Variants in PTPRD observed in about 807,000 individuals in gnomAD.
PTPRD encodes protein tyrosine phosphatase receptor type D.
A neutral mutation model predicts 214.5 loss-of-function variants in PTPRD; 34 were observed. That is an observed-to-expected ratio of 0.16 (90% confidence interval 0.12 to 0.21). The LOEUF (loss-of-function observed/expected upper bound fraction) is 0.21. Ranked by LOEUF, PTPRD falls within the 10% of genes least tolerant of loss-of-function variation. The probability of loss-of-function intolerance (pLI) is 1.00; values close to 1 mark genes in which losing one functional copy is unlikely to be tolerated. For synonymous variants in PTPRD, 1,128 were observed against 845.7 expected, an observed-to-expected ratio of 1.33 and a Z score of -5.79; for missense variants, 2,545 against 2,398.7, an observed-to-expected ratio of 1.06 and a Z score of -1.27.
chr9:8,533,377 A>T (rs1282656062), intron 14 of PTPRD, among the ~76,000 whole-genome samples: 3 of 152,074 alleles, frequency 2.0e-5, no homozygotes, highest in Non-Finnish European at 2.9e-5. Context: ...ATTGGGAAAA[A>T]TCCCAATTTT....
chr9:8,951,138 A>AGTGTGTGTGTGTGTGT (rs56212369), intron 11 of PTPRD, among the ~76,000 whole-genome samples: 6,904 of 147,134 alleles, frequency 0.047, 280 homozygotes, highest in East Asian at 0.16. Context: ...TAGGAAAAAG[A>AGTGTGTGTGTGTGTGT]GTGTGTGTGT....
rs74395525 is a variant in PTPRD, at chr9:8,561,992, C to T, written c.353-33213G>A. Among the ~76,000 whole-genome samples the T allele has an allele frequency of 6.3e-3, 955 of 152,208 alleles. 6 individuals are homozygous for T. The highest frequency in any genetic ancestry group is 0.019 in the African/African-American group (787 of 41,528). On this transcript the variant is annotated intron_variant, in intron 14 of 45. Coordinates refer to ENST00000381196, the MANE Select transcript of PTPRD (RefSeq NM_002839.4). ...CTACTAGAGTTTAAAAAGATGTTTC[C>T]TAAAGACCTACCATTTAACCACAAA...
At chr9:10,049,091 A>G (rs550764634) in intron 3 of PTPRD, among the ~76,000 whole-genome samples, 1 of 152,258 alleles carries the variant, frequency 6.6e-6, no homozygotes, top group East Asian at 1.9e-4. Flanking sequence ...AAAAGAAATG[A>G]GAAAAGCAGA....
chr9:8,526,332 G>C (rs2074133527), intron 17 of PTPRD, among the ~76,000 whole-genome samples: 1 of 151,330 alleles, frequency 6.6e-6, no homozygotes, highest in Non-Finnish European at 1.5e-5. Flanking sequence ...AGGGACAGAT[G>C]GTACGCTGTG....
intron 7 of PTPRD, among the ~76,000 whole-genome samples, chr9:9,670,167 C>A (rs1438090553): frequency 6.6e-6 from 1 of 151,904 alleles, no homozygotes; most frequent in African/African-American, 2.4e-5. Flanking sequence ...TATAAGACAC[C>A]ATAAAAATTG....
intron 7 of PTPRD, among the ~76,000 whole-genome samples, chr9:9,670,726 C>A (rs1292476996): frequency 6.6e-6 from 1 of 152,170 alleles, no homozygotes; most frequent in Non-Finnish European, 1.5e-5. Context: ...AGGTTGCAGG[C>A]CTCAAGCCTT....
intron 8 of PTPRD, among the ~76,000 whole-genome samples, chr9:9,439,438 G>A (rs1338323845): frequency 2.0e-5 from 3 of 152,156 alleles, no homozygotes; most frequent in Admixed American, 6.5e-5. Flanking sequence ...GTGGAATAAT[G>A]TGATAAACTA....
intron 8 of PTPRD, among the ~76,000 whole-genome samples, chr9:9,464,240 A>C (rs1049558584): frequency 6.6e-6 from 1 of 152,116 alleles, no homozygotes; most frequent in African/African-American, 2.4e-5. Context: ...CCATCACCCA[A>C]ATAGTGAACA....
At chr9:10,341,961 C>A (rs1010348057) in intron 2 of PTPRD, among the ~76,000 whole-genome samples, 8 of 152,020 alleles carry the variant, frequency 5.3e-5, no homozygotes, top group Admixed American at 1.3e-4. Flanking sequence ...GCTTTCTAAC[C>A]TTTTGAAGCT....
chr9:10,463,850 T>A (rs2098975537), intron 2 of PTPRD, among the ~76,000 whole-genome samples: 1 of 152,116 alleles, frequency 6.6e-6, no homozygotes, highest in Admixed American at 6.6e-5. Context: ...AGAAAAATGA[T>A]TTCAGATCTG....
At chr9:10,487,864 G>A (rs1312244839) in intron 2 of PTPRD, among the ~76,000 whole-genome samples, 2 of 151,308 alleles carry the variant, frequency 1.3e-5, no homozygotes, top group Admixed American at 6.6e-5. Flanking sequence ...GAGACTTGTA[G>A]AGGTACTACC....
At chr9:9,955,910 A>G (rs949703343) in intron 4 of PTPRD, among the ~76,000 whole-genome samples, 12 of 152,202 alleles carry the variant, frequency 7.9e-5, no homozygotes, top group Non-Finnish European at 1.8e-4. Context: ...CTGAAACAGT[A>G]TCAGAAGGAC....
intron 2 of PTPRD, among the ~76,000 whole-genome samples, chr9:10,508,516 A>G (rs2046850590): frequency 2.0e-5 from 3 of 152,194 alleles, no homozygotes; most frequent in Admixed American, 1.3e-4. Flanking sequence ...TTGTGGCACT[A>G]TTCACAATAG....
chr9:9,914,913 A>G (rs2080265944), intron 5 of PTPRD, among the ~76,000 whole-genome samples: 1 of 152,180 alleles, frequency 6.6e-6, no homozygotes, highest in Middle Eastern at 3.2e-3. Context: ...GGCTGGCAGA[A>G]AAACTGCATG....
At chr9:10,475,914 T>A (rs1454999372) in intron 2 of PTPRD, among the ~76,000 whole-genome samples, 2 of 151,948 alleles carry the variant, frequency 1.3e-5, no homozygotes, top group Non-Finnish European at 2.9e-5. Context: ...AGAAAAGGCC[T>A]TCAATACAAA....
chr9:9,402,744 A>T (rs1030937296), intron 8 of PTPRD, among the ~76,000 whole-genome samples: 1 of 151,922 alleles, frequency 6.6e-6, no homozygotes, highest in Admixed American at 6.6e-5. Flanking sequence ...TCAAAAAAAA[A>T]GACAATTTTC....
chr9:8,468,059 T>A lies in PTPRD; in HGVS notation c.3505-2384A>T, dbSNP rs190125799. ...TAATAGTCGCAATTCATCCATATCA[T>A]TGTCATTCCCACAAGCACTTTCTGC... On this transcript the variant is annotated intron_variant, in intron 31 of 45. Coordinates refer to ENST00000381196, the MANE Select transcript of PTPRD (RefSeq NM_002839.4). 3.3e-4 allele frequency among the ~76,000 whole-genome samples: 50 copies of A among 152,130 alleles called. No individual in the cohort carries two copies. In the South Asian group the frequency reaches 9.7e-3, roughly 30 times the overall value.
intron 3 of PTPRD, among the ~76,000 whole-genome samples, chr9:10,180,858 G>A (rs896291824): frequency 2.0e-5 from 3 of 151,802 alleles, no homozygotes; most frequent in African/African-American, 7.3e-5. Context: ...ATTTTATGAA[G>A]TTAAAAATAT....
chr9:9,463,213 G>T (rs1033496344), intron 8 of PTPRD, among the ~76,000 whole-genome samples: 2 of 152,114 alleles, frequency 1.3e-5, no homozygotes, highest in Non-Finnish European at 2.9e-5. Context: ...CATTCCTTTG[G>T]AAATTTGCTT....
Sources: allele counts gnomAD v4.1 joint callset (sites outside exome capture counted in the v4.1 genomes callset), GRCh38; gene constraint gnomAD v4.1.1; transcripts MANE v1.5; gene names NCBI Gene and HGNC (gene_info 2026-07-23, HGNC 2026-07-21).